Variants in JAG2 observed in about 807,000 individuals in gnomAD.
JAG2 encodes jagged canonical Notch ligand 2.
JAG2 carries 46 observed loss-of-function variants against 141.7 expected under a neutral mutation model. The observed-to-expected ratio is 0.32, with a 90% CI of 0.26 to 0.42. JAG2 has a LOEUF of 0.42. Among genes scored for constraint, JAG2 ranks in the 10% least tolerant of loss-of-function variants. JAG2 has a pLI of 1.00. For missense variants in JAG2, 1,500 were observed against 1,817.5 expected (o/e 0.83, Z 3.18); for synonymous variants, 862 against 763.5 (o/e 1.13, Z -2.13).
Position 105,168,496 on chromosome 14 carries a change from G to GCGCC in JAG2, c.-80_-77dup, listed in dbSNP as rs1020582873. On this transcript the variant is annotated 5_prime_UTR_variant, in exon 1 of 26. Coordinates refer to ENST00000331782, the MANE Select transcript of JAG2 (RefSeq NM_002226.5). The stretch of plus-strand genomic sequence containing the variant: ...TCCCAGCCGCCGCGCCGGCCTCCCA[G>GCGCC]CGCCCGCCCGCCCTCCGAGCGCCCG... 1.3e-5 allele frequency: 4 copies of GCGCC among 306,628 alleles called. No individual in the cohort carries two copies. The highest frequency in any genetic ancestry group is 1.2e-4 in the South Asian group (1 of 8,266). 19.0% of individuals were successfully genotyped at this position (306,628 alleles called of 1,614,324 possible). A position where few individuals can be genotyped will look rare whatever the true frequency, so the allele number is the denominator to read the frequency against.
At chr14:105,151,539 A>C in intron 8 of JAG2, 87 bp downstream of exon 8, 1 of 1,338,546 alleles carries the variant, frequency 7.5e-7, no homozygotes, top group Non-Finnish European at 1.1e-6. Flanking sequence ...GGACTTGACC[A>C]CTGCACCCCA....
Position 105,155,586 on chromosome 14 carries a change from C to T in JAG2, c.764G>A (p.Gly255Glu), listed in dbSNP as rs755567951. The change falls in exon 5 of 26, where the codon GGA becomes GAA. Residue 255 changes from glycine to glutamate, a missense_variant. Gly to Glu is a moderately conservative substitution (Grantham distance 98). Around this residue, in one of 3 missense-constraint regions of JAG2, gnomAD observed 875 missense variants for 1,202.2 expected, o/e 0.73. Coordinates refer to ENST00000331782, the MANE Select transcript of JAG2 (RefSeq NM_002226.5). Reference sequence around the variant, plus strand: ...CCTGCACTCCCCAGGCACGGTGCATCCCCCGTGGAGCAAATTACACCCTTG... The same window carrying T: ...CCTGCACTCCCCAGGCACGGTGCATTCCCCGTGGAGCAAATTACACCCTTG... ...CKQGCNLLHG[G>E]CTVPGECRCS... 6.2e-7 allele frequency: 1 copy of T among 1,612,836 alleles called. No homozygotes were observed. Among genetic ancestry groups the T allele is most frequent in the South Asian group, 1.1e-5 (1 of 91,084 alleles).
Position 105,150,703 on chromosome 14 carries a change from C to T in JAG2, c.1503G>A (p.Glu501=), listed in dbSNP as rs951298766. The T allele has an allele frequency of 7.0e-5, 109 of 1,559,622 alleles. No homozygotes were observed. Among genetic ancestry groups the T allele is most frequent in the Non-Finnish European group, 9.1e-5 (105 of 1,152,286 alleles). The change falls in exon 12 of 26, where the codon GAG becomes GAA. Residue 501 remains glutamate, a synonymous_variant. Transcript: ENST00000331782. ...GGRHCELERD[E]CASSPCHSGG... ...CGCTGTGGCAGGGGCTGCTGGCACA[C>T]TCGTCTCGTTCCAGCTCGCAATGCC...
chr14:105,157,369 A>G (rs2140986695), intron 3 of JAG2, among the ~76,000 whole-genome samples: 1 of 152,098 alleles, frequency 6.6e-6, no homozygotes, highest in Admixed American at 6.5e-5. Context: ...AGGGCCACCA[A>G]GGCTCCATGC....
At position 105,152,067 on chromosome 14, in the gene JAG2, G is replaced by A; in HGVS notation, c.920-10C>T. On this transcript the variant is annotated splice_polypyrimidine_tract_variant and intron_variant, in intron 6 of 25. Transcript: ENST00000331782. ...CCACAGTAGTTCAGGTCTGGGGGCA[G>A]GGGTGGGATGCTCAGGGGAAAAGCC... 6.2e-7 allele frequency: 1 copy of A among 1,613,192 alleles called. No homozygotes were observed. The highest frequency in any genetic ancestry group is 1.3e-5 in the African/African-American group (1 of 75,050).
chr14:105,152,089 A>G, intron 6 of JAG2, 32 bp from the exon 7 acceptor site: 7 of 1,613,052 alleles, frequency 4.3e-6, no homozygotes, highest in Non-Finnish European at 5.9e-6. Flanking sequence ...TCAGGGGAAA[A>G]GCCGGCCCCC....
In JAG2 at chr14:105,149,042, C is replaced by T; in HGVS notation, c.1801G>A (p.Ala601Thr). 1 of 1,608,328 alleles carries T rather than the reference C, an allele frequency of 6.2e-7. No homozygotes were observed. Among genetic ancestry groups the T allele is most frequent in the Admixed American group, 1.7e-5 (1 of 59,644 alleles). Reference protein sequence around the residue: ...SDAGPGMPGTAASGVCGPHGR... With the variant: ...SDAGPGMPGTTASGVCGPHGR... ...TGGGGGCCACACACGCCGGAGGCTG[C>T]TGTGCCAGGCATCCCAGGCCCCGCG... The change falls in exon 14 of 26, where the codon GCA becomes ACA. Residue 601 changes from alanine to threonine, a missense_variant. By Grantham distance (58) the Ala-to-Thr change is moderately conservative. Transcript: ENST00000331782.
rs1888519671 is a variant in JAG2 at position 105,154,336 on chromosome 14, G to A, written c.788+1226C>T. Among the ~76,000 whole-genome samples the A allele has an allele frequency of 6.6e-6, 1 of 152,098 alleles. No homozygotes were observed. Among genetic ancestry groups the A allele is most frequent in the African/African-American group, 2.4e-5 (1 of 41,366 alleles). On this transcript the variant is annotated intron_variant, in intron 5 of 25. Transcript: ENST00000331782. This position sits in a 1 kb window ranked among gnomAD's most constrained non-coding sequence, Gnocchi z 4.4. ...TGGAGGGCGGTGCTCACCTCCACCT[G>A]CTGTCTCTCCACCCGCTCGCGCCCC...
At chr14:105,165,331 G>A (rs1197737853) in intron 2 of JAG2, among the ~76,000 whole-genome samples, 1 of 152,242 alleles carries the variant, frequency 6.6e-6, no homozygotes, top group African/African-American at 2.4e-5. Context: ...CATGCCTACA[G>A]AGCACCCGGG....
intron 20 of JAG2, 63 bp from the exon 21 acceptor site, chr14:105,146,787 G>T: frequency 7.6e-7 from 1 of 1,321,122 alleles, no homozygotes; most frequent in Non-Finnish European, 1.1e-6. Context: ...GACCGGCATG[G>T]CCTAGGGCAG....
chr14:105,158,858 A>G (rs1888651414), intron 2 of JAG2, among the ~76,000 whole-genome samples: 1 of 151,878 alleles, frequency 6.6e-6, no homozygotes, highest in Non-Finnish European at 1.5e-5. Context: ...GGCTCACTCC[A>G]TCCCTCAGCA....
Position 105,157,707 on chromosome 14 carries a change from A to G in JAG2, c.474T>C (p.Asn158=). ...AWDWDNDTTP[N]EELLIERVSH... is the part of the protein sequence containing the mutation. ...CCACCTGGCCCAGGGCTCACTCACCATTCGGGGTGGTATCGTTGTCCCAGT... is the reference window on the plus strand; with the variant it reads ...CCACCTGGCCCAGGGCTCACTCACCGTTCGGGGTGGTATCGTTGTCCCAGT... The change falls in exon 3 of 26, where the codon AAT becomes AAC. Residue 158 remains asparagine (N), a splice_region_variant and synonymous_variant. Coordinates refer to ENST00000331782, the MANE Select transcript of JAG2 (RefSeq NM_002226.5). The G allele has an allele frequency of 6.4e-7, 1 of 1,562,956 alleles. No homozygotes were observed.
At chr14:105,149,626 C>CA (rs964897118) in intron 12 of JAG2, among the ~76,000 whole-genome samples, 2 of 151,524 alleles carry the variant, frequency 1.3e-5, no homozygotes, top group Non-Finnish European at 2.9e-5. Context: ...GCCCCTCACA[C>CA]ACTGCCTGGC....
intron 15 of JAG2, 127 bp from the exon 16 acceptor site, chr14:105,148,566 G>A: frequency 2.3e-6 from 2 of 854,186 alleles, no homozygotes; most frequent in South Asian, 3.2e-5. Context: ...CGTCGGGCCG[G>A]GGGAGCTGGC....
intron 2 of JAG2, among the ~76,000 whole-genome samples, chr14:105,162,350 G>C (rs898781811): frequency 1.3e-5 from 2 of 151,528 alleles, no homozygotes; most frequent in African/African-American, 4.9e-5. Flanking sequence ...CTCCTCCCCA[G>C]CCCGAACCCT....
intron 8 of JAG2, 38 bp from the exon 9 acceptor site, chr14:105,151,434 G>T: frequency 6.3e-7 from 1 of 1,578,762 alleles, no homozygotes; most frequent in South Asian, 1.1e-5. Context: ...CTGGCAGTGT[G>T]AGCCGTGGGA....
chr14:105,161,206 TCTGAGTGAGGTCTGTTGTTGG>T, intron 2 of JAG2, among the ~76,000 whole-genome samples: 1 of 130,486 alleles, frequency 7.7e-6, no homozygotes, highest in South Asian at 2.7e-4. Flanking sequence ...TTGTTGGGGG[TCTGAGTGAGGTCTGTTGTTGG>T]GGGTCTGAGT....
chr14:105,153,679 G>A (rs1888503060), intron 5 of JAG2, among the ~76,000 whole-genome samples: 1 of 152,192 alleles, frequency 6.6e-6, no homozygotes, highest in Non-Finnish European at 1.5e-5. Context: ...CTCCCCGACA[G>A]GGCCAGCAAG....
chr14:105,152,108 C>A (rs766901165), intron 6 of JAG2, 51 bp from the exon 7 acceptor site: 4 of 1,613,414 alleles, frequency 2.5e-6, no homozygotes, highest in Admixed American at 3.3e-5. Flanking sequence ...CCCGCTCCCC[C>A]ACAACCCACA....
Sources: gnomAD v4.1 joint callset for allele counts (sites outside exome capture counted in the v4.1 genomes callset) on GRCh38, gnomAD v4.1.1 for gene constraint, gnomAD v4.1.1 regional missense constraint, Gnocchi (gnomAD v3.1) non-coding constraint, MANE v1.5 for transcripts, NCBI Gene and HGNC (gene_info 2026-07-23, HGNC 2026-07-21) for gene names.